The following NIBAN2 variants were observed in gnomAD, a reference collection of about 807,000 sequenced individuals.
NIBAN2 encodes the protein niban apoptosis regulator 2, also known as protein Niban 2.
Under a neutral mutation model 81.8 loss-of-function variants are expected in NIBAN2, and 36 were observed. That is an observed-to-expected ratio of 0.44 (90% CI 0.34 to 0.58). The LOEUF (loss-of-function observed/expected upper bound fraction) is 0.58. Ranked by LOEUF, NIBAN2 falls within the 20% of genes least tolerant of loss-of-function variation. NIBAN2 has a pLI of 0.02. For missense variants in NIBAN2, 897 were observed against 1,014.1 expected (o/e 0.88, Z 1.57); for synonymous variants, 445 against 441.6 (o/e 1.01, Z -0.10).
At chr9:127,572,823 T>C (rs79805459), upstream of NIBAN2, among the ~76,000 whole-genome samples, 674 of 152,170 alleles carry the variant, frequency 4.4e-3, 11 homozygotes, top group East Asian at 0.065. Context: ...GGCAAGAGGA[T>C]TGCTTGAGGC....
Position 127,523,713 on chromosome 9 carries a change from A to G in NIBAN2, c.555T>C (p.Ala185=), listed in dbSNP as rs1837005276. ...MTEAEQDKWQ[A]VLQDCIRHCN... is the part of the protein sequence containing the mutation. ...AGTGCCGGATGCAGTCCTGCAGCAC[A>G]GCCTGCCACTTGTCCTGCTCGGCTT... The change falls in exon 5 of 14, where the codon GCT becomes GCC. Residue 185 remains alanine, a synonymous_variant. Coordinates refer to ENST00000373312, the MANE Select transcript of NIBAN2 (RefSeq NM_022833.4). 1.2e-6 allele frequency: 2 copies of G among 1,613,772 alleles called. No homozygotes were observed. Among genetic ancestry groups the G allele is most frequent in the Non-Finnish European group, 1.7e-6 (2 of 1,179,880 alleles).
chr9:127,549,282 G>A (rs1046978757), intron 1 of NIBAN2, among the ~76,000 whole-genome samples: 10 of 152,112 alleles, frequency 6.6e-5, no homozygotes, highest in African/African-American at 2.2e-4. Context: ...AAGTTGCCTC[G>A]TGACCCCTGC....
intron 1 of NIBAN2, among the ~76,000 whole-genome samples, chr9:127,557,898 C>A (rs1368590648): frequency 2.0e-5 from 3 of 152,188 alleles, no homozygotes; most frequent in Non-Finnish European, 2.9e-5. Flanking sequence ...GACCTCCACT[C>A]TAGAGATGGG....
intron 1 of NIBAN2, among the ~76,000 whole-genome samples, chr9:127,533,189 G>A (rs887361725): frequency 3.3e-5 from 5 of 152,028 alleles, no homozygotes; most frequent in African/African-American, 1.2e-4. Context: ...GGGCACGGTG[G>A]CTTAGGCCTG....
Position 127,516,855 on chromosome 9 carries a change from A to G in NIBAN2, c.973+2T>C. ...CCGTCGAGCACGGGGGTGGCTGCCT[A>G]CCTCGGATCTTGCTGGCAAGGTGCT... On this transcript the variant is annotated splice_donor_variant, in intron 8 of 13. Coordinates refer to ENST00000373312, the MANE Select transcript of NIBAN2 (RefSeq NM_022833.4). LOFTEE classifies it high-confidence loss of function. 6.2e-7 allele frequency: 1 copy of G among 1,610,420 alleles called. No homozygotes were observed. Among genetic ancestry groups the G allele is most frequent in the Non-Finnish European group, 8.5e-7 (1 of 1,176,926 alleles).
At chr9:127,538,406 A>G (rs917512109) in intron 1 of NIBAN2, among the ~76,000 whole-genome samples, 3 of 152,164 alleles carry the variant, frequency 2.0e-5, no homozygotes, top group African/African-American at 7.2e-5. Flanking sequence ...AGTGAGACTC[A>G]GGCTAAACAC....
chr9:127,543,158 AT>A (rs1437476766), intron 1 of NIBAN2, among the ~76,000 whole-genome samples: 1 of 152,214 alleles, frequency 6.6e-6, no homozygotes, highest in African/African-American at 2.4e-5. Context: ...GTGCGAGATC[AT>A]TCTCGACTCT....
chr9:127,547,518 A>T (rs1248055644), intron 1 of NIBAN2, among the ~76,000 whole-genome samples: 1 of 149,508 alleles, frequency 6.7e-6, no homozygotes, highest in East Asian at 2.0e-4. Context: ...CTCCATCTCA[A>T]AAAACACAAC....
chr9:127,570,121 A>G (rs891904874), upstream of NIBAN2, among the ~76,000 whole-genome samples: 1 of 152,186 alleles, frequency 6.6e-6, no homozygotes. Flanking sequence ...ACCCCTGGTA[A>G]CTAAGCACTC....
chr9:127,512,209 GCCTCATGCCTGCATTGAGTTGT>G (rs1836750299), intron 8 of NIBAN2, among the ~76,000 whole-genome samples: 1 of 151,990 alleles, frequency 6.6e-6, no homozygotes, highest in Admixed American at 6.6e-5. Flanking sequence ...TGACCTGGAA[GCCTCATGCCTGCATTGAGTTGT>G]CCTGCTTTTC....
chr9:127,546,780 TG>T (rs1837479199), intron 1 of NIBAN2, among the ~76,000 whole-genome samples: 1 of 152,076 alleles, frequency 6.6e-6, no homozygotes, highest in South Asian at 2.1e-4. Flanking sequence ...TCCTGGCCAC[TG>T]GGTACTCAGG....
intron 8 of NIBAN2, among the ~76,000 whole-genome samples, chr9:127,515,159 A>ACG (rs1836801293): frequency 6.6e-6 from 1 of 152,088 alleles, no homozygotes; most frequent in African/African-American, 2.4e-5. Context: ...TCAGGAGGTC[A>ACG]CGCAGTGAAC....
At chr9:127,566,994 G>C (rs1322346646) in intron 1 of NIBAN2, among the ~76,000 whole-genome samples, 2 of 151,860 alleles carry the variant, frequency 1.3e-5, no homozygotes, top group African/African-American at 4.8e-5. Context: ...GTGGAGAAGA[G>C]AGAGACCAGC....
rs540357252 is a variant in NIBAN2 at position 127,557,531 on chromosome 9, C to T, written c.55+11289G>A. Among the ~76,000 whole-genome samples, 5 of 152,334 alleles carry T rather than the reference C, an allele frequency of 3.3e-5. No individual in the cohort carries two copies. In the East Asian group the frequency reaches 9.7e-4, roughly 29 times the overall value. On this transcript the variant is annotated intron_variant, in intron 1 of 13. Coordinates refer to ENST00000373312, the MANE Select transcript of NIBAN2 (RefSeq NM_022833.4). ...GCACAGGAAGTCTGCCAGGCTCCAC[C>T]CGGGGGCCTCCAGGCAGGGCAAGCT... is the stretch of plus-strand genomic sequence containing the variant.
rs528590794 is a variant in NIBAN2 at position 127,518,023 on chromosome 9, C to A, written c.590-82G>T. ...AAGACCAACTGAGAACTGACCAAAA[C>A]CCCCCCCACACACATGGCATGCACC... is the stretch of plus-strand genomic sequence containing the variant. On this transcript the variant is annotated intron_variant, in intron 5 of 13. Transcript: ENST00000373312. 140 of 756,776 alleles carry A rather than the reference C, an allele frequency of 1.8e-4. No homozygotes were observed. The African/African-American group carries it at 2.4e-3, about 13-fold the overall frequency. 46.9% of individuals were successfully genotyped at this position (756,776 alleles called of 1,614,324 possible). A position where few individuals can be genotyped will look rare whatever the true frequency, so the allele number is the denominator to read the frequency against.
chr9:127,524,163 G>A (rs573241720), intron 4 of NIBAN2, among the ~76,000 whole-genome samples: 1 of 152,282 alleles, frequency 6.6e-6, no homozygotes, highest in East Asian at 1.9e-4. Flanking sequence ...GAGCCCCCAG[G>A]TTCAAGGGTC....
chr9:127,570,532 T>G (rs1010317510), upstream of NIBAN2, among the ~76,000 whole-genome samples: 1 of 152,208 alleles, frequency 6.6e-6, no homozygotes, highest in African/African-American at 2.4e-5. Flanking sequence ...CCCAGCATAG[T>G]GCCTGGCACC....
chr9:127,540,258 G>A (rs920437145), intron 1 of NIBAN2, among the ~76,000 whole-genome samples: 2 of 152,194 alleles, frequency 1.3e-5, no homozygotes, highest in African/African-American at 2.4e-5. Context: ...GAGGCCCCAG[G>A]GTGGCCTGGA....
chr9:127,537,359 G>A (rs1267109336), intron 1 of NIBAN2, among the ~76,000 whole-genome samples: 1 of 152,238 alleles, frequency 6.6e-6, no homozygotes, highest in Non-Finnish European at 1.5e-5. Context: ...AGTGTCCTCA[G>A]CTGAGAACAG....
Sources: gnomAD v4.1 joint callset for allele counts (sites outside exome capture counted in the v4.1 genomes callset) on GRCh38, gnomAD v4.1.1 for gene constraint, MANE v1.5 for transcripts, NCBI Gene and HGNC (gene_info 2026-07-23, HGNC 2026-07-21) for gene names.